The following ZFAND3 variants were observed in gnomAD, a reference collection of about 807,000 sequenced individuals.
ZFAND3 encodes the protein zinc finger AN1-type containing 3.
In ZFAND3, 10 loss-of-function variants were observed where a neutral mutation model predicts 29.6. The ratio of observed to expected loss-of-function variants is 0.34; its 90% CI spans 0.21 to 0.57. ZFAND3 has a LOEUF of 0.57. Among genes scored for constraint, ZFAND3 ranks in the 20% least tolerant of loss-of-function variants. The pLI is 0.86. For synonymous variants in ZFAND3, 128 were observed against 112.6 expected (o/e 1.14, Z -0.87); for missense variants, 230 against 304.5 (o/e 0.76, Z 1.82).
chr6:37,893,172 T>C (rs748628504), intron 1 of ZFAND3, among the ~76,000 whole-genome samples: 3 of 152,182 alleles, frequency 2.0e-5, no homozygotes, highest in Non-Finnish European at 4.4e-5. Context: ...CTCTTATGAA[T>C]ATGTATGCCA....
At chr6:38,050,234 C>T (rs1764000147) in intron 2 of ZFAND3, among the ~76,000 whole-genome samples, 4 of 151,916 alleles carry the variant, frequency 2.6e-5, no homozygotes, top group Admixed American at 2.6e-4. Flanking sequence ...GGATTACAAG[C>T]GTGAGTCACC....
chr6:38,077,807 G>A (rs950605995), intron 3 of ZFAND3, among the ~76,000 whole-genome samples: 3 of 152,176 alleles, frequency 2.0e-5, no homozygotes. Context: ...TTTTGAGTGC[G>A]TGAAAGGCTA....
chr6:38,000,101 C>G (rs1244320821), intron 2 of ZFAND3, among the ~76,000 whole-genome samples: 1 of 152,008 alleles, frequency 6.6e-6, no homozygotes, highest in Non-Finnish European at 1.5e-5. Context: ...ACTTATCCCC[C>G]TATTGGAGTT....
chr6:37,979,998 G>A (rs1762552851), intron 2 of ZFAND3, among the ~76,000 whole-genome samples: 1 of 152,074 alleles, frequency 6.6e-6, no homozygotes, highest in Admixed American at 6.6e-5. Flanking sequence ...GCACCCTTCG[G>A]AGCTGCAGCT....
intron 2 of ZFAND3, among the ~76,000 whole-genome samples, chr6:37,996,758 T>A (rs1331506806): frequency 1.3e-5 from 2 of 152,230 alleles, no homozygotes; most frequent in Non-Finnish European, 2.9e-5. Flanking sequence ...TGCATATTTT[T>A]GCAGTGTATA....
chr6:37,820,589 T>A (rs910837464), intron 1 of ZFAND3, among the ~76,000 whole-genome samples: 1 of 152,220 alleles, frequency 6.6e-6, no homozygotes, highest in Admixed American at 6.5e-5. Flanking sequence ...GGTAAAGTTA[T>A]AAGATTGTTG....
At chr6:37,993,474 G>A (rs568874136) in intron 2 of ZFAND3, among the ~76,000 whole-genome samples, 53 of 152,146 alleles carry the variant, frequency 3.5e-4, no homozygotes, top group African/African-American at 1.2e-3. Context: ...TTACAGGCGC[G>A]TGCCACCATG....
intron 5 of ZFAND3, among the ~76,000 whole-genome samples, chr6:38,151,485 T>C (rs1417548330): frequency 6.8e-6 from 1 of 146,792 alleles, no homozygotes; most frequent in Non-Finnish European, 1.5e-5. Context: ...ACCTACCCAG[T>C]GGAGTGAAGG....
At chr6:38,003,154 G>T (rs1190566465) in intron 2 of ZFAND3, 1 of 153,280 alleles carries the variant, frequency 6.5e-6, no homozygotes, top group East Asian at 1.9e-4. Flanking sequence ...ACATATCTTG[G>T]TAACAGTTTA....
intron 2 of ZFAND3, among the ~76,000 whole-genome samples, chr6:38,031,490 A>G (rs1168814804): frequency 2.6e-5 from 4 of 152,106 alleles, no homozygotes; most frequent in African/African-American, 9.7e-5. Flanking sequence ...CCTGTCCTCA[A>G]TTCATTATAT....
At chr6:37,981,663 T>C (rs1213006274) in intron 2 of ZFAND3, among the ~76,000 whole-genome samples, 4 of 152,184 alleles carry the variant, frequency 2.6e-5, no homozygotes, top group Non-Finnish European at 4.4e-5. Context: ...TGTTTGACTC[T>C]GGGTGGTGGC....
intron 2 of ZFAND3, among the ~76,000 whole-genome samples, chr6:38,004,587 T>G (rs1763011961): frequency 1.3e-5 from 2 of 151,550 alleles, no homozygotes. Flanking sequence ...GTCTTCAGAT[T>G]GAACGGTATT....
At chr6:37,931,997 G>T (rs1009916891) in intron 2 of ZFAND3, among the ~76,000 whole-genome samples, 5 of 152,174 alleles carry the variant, frequency 3.3e-5, no homozygotes, top group Non-Finnish European at 7.4e-5. Flanking sequence ...CAGGCCGGGC[G>T]CAGTGGCTCA....
At chr6:38,137,685 G>A (rs1361911884) in intron 5 of ZFAND3, among the ~76,000 whole-genome samples, 1 of 152,162 alleles carries the variant, frequency 6.6e-6, no homozygotes, top group African/African-American at 2.4e-5. Flanking sequence ...GAAAGGGGGA[G>A]CTGCAAATAG....
rs558613366 is a variant in ZFAND3, at chr6:38,150,296, A to G, written c.530-1939A>G. On this transcript the variant is annotated intron_variant, in intron 5 of 5. Transcript: ENST00000287218. ...ATCTCTGTTCTTTTCCTTAAACCCA[A>G]TCCCAATTTAGAGTCAAACATACTG... Among the ~76,000 whole-genome samples the G allele has an allele frequency of 5.3e-5, 8 of 152,310 alleles. No individual in the cohort carries two copies. In the East Asian group the frequency reaches 1.2e-3, roughly 22 times the overall value.
At chr6:38,146,143 CTTCCATTCCTG>C (rs1406432648) in intron 5 of ZFAND3, among the ~76,000 whole-genome samples, 3 of 148,440 alleles carry the variant, frequency 2.0e-5, no homozygotes, top group African/African-American at 7.5e-5. Context: ...GCATCCTCTT[CTTCCATTCCTG>C]TTCCATGTGC....
intron 2 of ZFAND3, among the ~76,000 whole-genome samples, chr6:37,988,997 G>A (rs546390935): frequency 1.3e-5 from 2 of 152,042 alleles, no homozygotes; most frequent in South Asian, 2.1e-4. Flanking sequence ...TTCCACTCCC[G>A]GTTTCAAGCA....
chr6:38,021,244 C>T (rs1581845549), intron 2 of ZFAND3, among the ~76,000 whole-genome samples: 2 of 152,174 alleles, frequency 1.3e-5, no homozygotes, highest in South Asian at 2.1e-4. Flanking sequence ...TCCCAGCTGC[C>T]GCGATAAGTA....
chr6:38,144,211 A>ATAATATATATATATAT (rs70981524), intron 5 of ZFAND3, among the ~76,000 whole-genome samples: 2 of 45,852 alleles, frequency 4.4e-5, no homozygotes, highest in African/African-American at 1.2e-4. Context: ...ATATATATAT[A>ATAATATATATATATAT]ATATATAATA....
Sources: allele counts gnomAD v4.1 joint callset (sites outside exome capture counted in the v4.1 genomes callset), GRCh38; gene constraint gnomAD v4.1.1; transcripts MANE v1.5; gene names NCBI Gene and HGNC (gene_info 2026-07-23, HGNC 2026-07-21).